BMP1: variants seen among roughly 807,000 people sequenced by gnomAD.
BMP1 encodes bone morphogenetic protein 1, also known as mammalian tolloid protein.
BMP1 carries 63 observed loss-of-function variants against 116.8 expected under a neutral mutation model. The observed-to-expected ratio is 0.54, with a 90% CI of 0.44 to 0.67. The LOEUF (loss-of-function observed/expected upper bound fraction) is 0.67, where lower values mean the gene tolerates loss of function less well. Among genes scored for constraint, BMP1 ranks in the 30% least tolerant of loss-of-function variants. The pLI, the probability that BMP1 is intolerant of heterozygous loss-of-function variation, is 0.00. For missense variants in BMP1, 1,183 were observed against 1,358.9 expected, an observed-to-expected ratio of 0.87 and a Z score of 2.04; for synonymous variants, 536 against 533.4, an observed-to-expected ratio of 1.00 and a Z score of -0.07.
chr8:22,209,600 G>A lies in BMP1; in HGVS notation c.2731G>A (p.Val911Met). The A allele has an allele frequency of 6.2e-7, 1 of 1,614,206 alleles. No individual in the cohort carries two copies. The highest frequency in any genetic ancestry group is 8.5e-7 in the Non-Finnish European group (1 of 1,180,018). Residue 911 changes from valine to methionine, a missense_variant, in exon 19 of 20, where the codon GTG becomes ATG. Transcript: ENST00000306385. Reference sequence around the variant, plus strand: ...GGAGCTCGTGTTCCAGACCTTTGAGGTGGAGGAGGAGACCGACTGCGGCTA... The same window carrying A: ...GGAGCTCGTGTTCCAGACCTTTGAGATGGAGGAGGAGACCGACTGCGGCTA... Reference protein sequence around the residue: ...GVELVFQTFEVEEETDCGYDY... With the variant: ...GVELVFQTFEMEEETDCGYDY...
intron 16 of BMP1, among the ~76,000 whole-genome samples, chr8:22,206,340 A>G (rs542089378): frequency 2.0e-5 from 3 of 152,210 alleles, no homozygotes; most frequent in South Asian, 2.1e-4. Context: ...CGTCTCTACT[A>G]AAAATACAAA....
intron 1 of BMP1, 36 bp downstream of exon 1, chr8:22,165,589 C>A (rs1310209677): frequency 6.6e-7 from 1 of 1,509,714 alleles, no homozygotes; most frequent in South Asian, 1.2e-5. Flanking sequence ...ACGGGCCAGG[C>A]GGGGAGGCGC....
intron 6 of BMP1, 68 bp downstream of exon 6, chr8:22,178,025 C>G: frequency 7.9e-7 from 1 of 1,258,284 alleles, no homozygotes; most frequent in South Asian, 1.4e-5. Flanking sequence ...AGGCTATTCT[C>G]CTCCTGCCTC....
At chr8:22,172,362 G>A (rs1341959224) in intron 1 of BMP1, among the ~76,000 whole-genome samples, 2 of 152,022 alleles carry the variant, frequency 1.3e-5, no homozygotes, top group African/African-American at 4.8e-5. Flanking sequence ...TCAAAAGGAA[G>A]ACAGACAGTT....
At position 22,199,109 on chromosome 8, in the gene BMP1, C is replaced by A. The variant is rs780058785; in HGVS notation, c.2107+1689C>A. 3 of 1,367,426 alleles carry A rather than the reference C, an allele frequency of 2.2e-6. No individual in the cohort carries two copies. The African/African-American group carries it at 4.4e-5, about 20-fold the overall frequency. 84.7% of individuals were successfully genotyped at this position (1,367,426 alleles called of 1,614,324 possible). A position where few individuals can be genotyped will look rare whatever the true frequency, so the allele number is the denominator to read the frequency against. ...CATGCCCTGGTCGACACTGTGCCCG[C>A]CCCACCCTCAGCCCTGCACGGAGAC... On this transcript the variant is annotated intron_variant, in intron 15 of 19. Transcript: ENST00000306385.
At chr8:22,189,930 A>T (rs1331285911) in intron 8 of BMP1, among the ~76,000 whole-genome samples, 2 of 151,884 alleles carry the variant, frequency 1.3e-5, no homozygotes, top group East Asian at 1.9e-4. Flanking sequence ...TTTATTTTAT[A>T]TTTTTTTCGA....
intron 1 of BMP1, among the ~76,000 whole-genome samples, chr8:22,172,010 T>C (rs1002163232): frequency 1.3e-5 from 2 of 152,176 alleles, no homozygotes; most frequent in Non-Finnish European, 1.5e-5. Context: ...GACGCCACCA[T>C]ATGTCTGTAG....
intron 5 of BMP1, 78 bp downstream of exon 5, chr8:22,177,217 T>C: frequency 7.2e-7 from 1 of 1,395,280 alleles, no homozygotes; most frequent in Non-Finnish European, 9.7e-7. Flanking sequence ...CTGGGGGCAG[T>C]GGCAGCCGCT....
At chr8:22,211,486 G>C in intron 19 of BMP1, 108 bp from the exon 20 acceptor site, 1 of 1,471,138 alleles carries the variant, frequency 6.8e-7, no homozygotes, top group Non-Finnish European at 9.4e-7. Flanking sequence ...GGAGAATCTG[G>C]TGGCTGCCTG....
chr8:22,181,423 T>C (rs1413737943), intron 8 of BMP1, among the ~76,000 whole-genome samples: 1 of 152,146 alleles, frequency 6.6e-6, no homozygotes, highest in East Asian at 1.9e-4. Context: ...GGACACCGAG[T>C]GTGGGGAGGG....
intron 19 of BMP1, 34 bp downstream of exon 19, chr8:22,209,729 T>TGCCCCAC (rs748147216): frequency 6.2e-6 from 9 of 1,442,716 alleles, no homozygotes; most frequent in South Asian, 2.3e-5. Context: ...CCTGGCCCCA[T>TGCCCCAC]GCCCCACGCC....
chr8:22,198,951 C>T (rs774312424), intron 15 of BMP1: 22 of 1,267,368 alleles, frequency 1.7e-5, no homozygotes, highest in South Asian at 1.7e-4. Context: ...AACACCCACT[C>T]GGGGCAGGCT....
At chr8:22,196,523 T>C in intron 13 of BMP1, 157 bp from the exon 14 acceptor site, 1 of 1,117,432 alleles carries the variant, frequency 8.9e-7, no homozygotes, top group Non-Finnish European at 1.3e-6. Flanking sequence ...CCACCCTGCC[T>C]CCTCCCGTCC....
intron 19 of BMP1, among the ~76,000 whole-genome samples, 162 bp downstream of exon 19, chr8:22,209,857 T>C (rs1386776206): frequency 6.6e-6 from 1 of 152,256 alleles, no homozygotes; most frequent in Non-Finnish European, 1.5e-5. Context: ...CCCAGCCTTG[T>C]TGGGGCTACT....
chr8:22,206,761 A>T, intron 16 of BMP1, 93 bp from the exon 17 acceptor site: 1 of 1,543,280 alleles, frequency 6.5e-7, no homozygotes, highest in Non-Finnish European at 8.8e-7. Context: ...GATGGAAGAA[A>T]GGAGGGGGGG....
chr8:22,188,014 T>G (rs1828824837), intron 8 of BMP1, among the ~76,000 whole-genome samples: 1 of 152,046 alleles, frequency 6.6e-6, no homozygotes, highest in Non-Finnish European at 1.5e-5. Flanking sequence ...ACTGGCACAC[T>G]GTGGCCAGAA....
At chr8:22,192,227 C>T (rs1396309016) in intron 9 of BMP1, 76 bp downstream of exon 9, 2 of 1,305,216 alleles carry the variant, frequency 1.5e-6, no homozygotes, top group African/African-American at 2.9e-5. Context: ...CTCTTCATCC[C>T]CCTCCAGGGC....
chr8:22,210,315 C>T (rs973235059), intron 19 of BMP1, among the ~76,000 whole-genome samples: 16 of 151,080 alleles, frequency 1.1e-4, no homozygotes, highest in African/African-American at 3.9e-4. Context: ...GGGCTAGCCT[C>T]GTGGGGAGGA....
rs1446579169 is a variant in BMP1, at chr8:22,197,436, C to G, written c.2107+16C>G. 5 of 1,592,960 alleles carry G rather than the reference C, an allele frequency of 3.1e-6. No homozygotes were observed. The African/African-American group carries it at 6.7e-5, about 21-fold the overall frequency. On this transcript the variant is annotated intron_variant, in intron 15 of 19. Transcript: ENST00000306385. The stretch of plus-strand genomic sequence containing the variant: ...TTCTTCTCAGGTATCCCTGGACTGC[C>G]CAGCTCCTAGCCCCACCTCTCCTCG...
Sources: allele counts gnomAD v4.1 joint callset (sites outside exome capture counted in the v4.1 genomes callset), GRCh38; gene constraint gnomAD v4.1.1; transcripts MANE v1.5; gene names NCBI Gene and HGNC (gene_info 2026-07-23, HGNC 2026-07-21).